Variants in CCDC6 observed in about 807,000 individuals in gnomAD.
CCDC6 encodes the protein coiled-coil domain containing 6.
A neutral mutation model predicts 56.6 loss-of-function variants in CCDC6; 20 were observed. That is an observed-to-expected ratio of 0.35 (90% CI 0.25 to 0.51). The LOEUF is 0.51. Among genes scored for constraint, CCDC6 ranks in the 20% least tolerant of loss-of-function variants. CCDC6 has a pLI of 0.95. For synonymous variants in CCDC6, 241 were observed against 234.4 expected (o/e 1.03, Z -0.26); for missense variants, 367 against 601.1 (o/e 0.61, Z 4.07).
rs28723397 is a variant in CCDC6, at chr10:59,882,025, G to C, written c.303+24097C>G. ...AGCTGGGGAGAAGGAAAGGAAAGCC[G>C]CGGGGAGAAGGAAAGGAAAGCCAGG... On this transcript the variant is annotated intron_variant, in intron 1 of 8. Transcript: ENST00000263102. 1.4e-4 allele frequency among the ~76,000 whole-genome samples: 7 copies of C among 48,976 alleles called. 3 individuals are homozygous for C. Among genetic ancestry groups the C allele is most frequent in the South Asian group, 1.3e-3 (2 of 1,516 alleles). The allele number at this position is 48,976 out of a possible 152,430, so 32.1% of individuals were successfully genotyped here. A position where few individuals can be genotyped will look rare whatever the true frequency, so the allele number is the denominator to read the frequency against.
intron 1 of CCDC6, among the ~76,000 whole-genome samples, chr10:59,894,685 G>C (rs993820783): frequency 1.3e-5 from 2 of 152,070 alleles, no homozygotes; most frequent in African/African-American, 2.4e-5. Context: ...GGGGAGGGGT[G>C]GGGGGGAATC....
intron 1 of CCDC6, among the ~76,000 whole-genome samples, chr10:59,868,785 G>A (rs2071200253): frequency 6.6e-6 from 1 of 152,144 alleles, no homozygotes; most frequent in African/African-American, 2.4e-5. Context: ...CGGCTCCAAT[G>A]AGCTTCCCTG....
intron 1 of CCDC6, among the ~76,000 whole-genome samples, chr10:59,896,211 A>G (rs1394448456): frequency 6.6e-6 from 1 of 152,234 alleles, no homozygotes; most frequent in Non-Finnish European, 1.5e-5. Context: ...TTTATTCCAA[A>G]TGCTATCAAG....
chr10:59,865,371 TACAG>T (rs2071167953), intron 1 of CCDC6, among the ~76,000 whole-genome samples: 1 of 152,130 alleles, frequency 6.6e-6, no homozygotes, highest in Admixed American at 6.5e-5. Context: ...TAGGGCCAAT[TACAG>T]ACAGAGATGA....
intron 2 of CCDC6, among the ~76,000 whole-genome samples, chr10:59,847,817 CTTTTTTT>C (rs757902015): frequency 9.5e-6 from 1 of 104,860 alleles, no homozygotes; most frequent in African/African-American, 3.9e-5. Flanking sequence ...GCCTTTTAGA[CTTTTTTT>C]TTTTTTTTTT....
chr10:59,821,471 T>C (rs986600569), intron 3 of CCDC6, among the ~76,000 whole-genome samples: 3 of 152,216 alleles, frequency 2.0e-5, no homozygotes, highest in African/African-American at 7.2e-5. Flanking sequence ...TGGAAAACTG[T>C]CTTTTAAAAA....
intron 3 of CCDC6, among the ~76,000 whole-genome samples, chr10:59,815,482 A>G (rs1281125976): frequency 1.3e-5 from 2 of 152,208 alleles, no homozygotes; most frequent in South Asian, 2.1e-4. Flanking sequence ...TGAATCAAGG[A>G]GTCAGGAATT....
intron 1 of CCDC6, among the ~76,000 whole-genome samples, chr10:59,859,757 C>T (rs1235397203): frequency 4.6e-5 from 7 of 152,026 alleles, no homozygotes; most frequent in South Asian, 4.2e-4. Context: ...TAACTGAAGA[C>T]GATGGCTGGG....
At chr10:59,799,428 A>G (rs72817909) in intron 7 of CCDC6, among the ~76,000 whole-genome samples, 30,904 of 152,038 alleles carry the variant, frequency 0.2, 3,655 homozygotes, top group Middle Eastern at 0.27. Flanking sequence ...TCTATCTCGA[A>G]AAAAGAAATC....
intron 7 of CCDC6, 113 bp downstream of exon 7, chr10:59,804,305 CAT>C (rs1224681651): frequency 1.5e-6 from 1 of 667,342 alleles, no homozygotes; most frequent in East Asian, 2.6e-5. Context: ...TTGAAAAAGA[CAT>C]GATTATTATC....
intron 7 of CCDC6, among the ~76,000 whole-genome samples, chr10:59,800,964 G>C (rs941015363): frequency 6.6e-6 from 1 of 152,050 alleles, no homozygotes; most frequent in Non-Finnish European, 1.5e-5. Context: ...AATTAAAAGC[G>C]ACTCATGACT....
chr10:59,871,870 C>A (rs1265473172), intron 1 of CCDC6, among the ~76,000 whole-genome samples: 3 of 152,136 alleles, frequency 2.0e-5, no homozygotes, highest in East Asian at 3.9e-4. Context: ...AAAAAAATAG[C>A]ACTCTGATTA....
Position 59,887,056 on chromosome 10 carries a change from C to T in CCDC6, c.303+19066G>A, listed in dbSNP as rs556231341. ...GTAAATTGTAGAAGCAACATCTATTCGAATTACACATATATAGGGCAATCG... is the reference window on the plus strand; with the variant it reads ...GTAAATTGTAGAAGCAACATCTATTTGAATTACACATATATAGGGCAATCG... On this transcript the variant is annotated intron_variant, in intron 1 of 8. Transcript: ENST00000263102. Among the ~76,000 whole-genome samples the T allele has an allele frequency of 8.5e-5, 13 of 152,250 alleles. No individual in the cohort carries two copies. In the East Asian group the frequency reaches 1.9e-3, roughly 23 times the overall value.
chr10:59,892,463 C>A (rs1290399593), intron 1 of CCDC6, among the ~76,000 whole-genome samples: 1 of 152,148 alleles, frequency 6.6e-6, no homozygotes, highest in African/African-American at 2.4e-5. Context: ...TCGTTAGAAG[C>A]CAGGTTGCGA....
intron 8 of CCDC6, among the ~76,000 whole-genome samples, chr10:59,793,974 A>T (rs1457496785): frequency 1.3e-5 from 2 of 152,134 alleles, no homozygotes; most frequent in Non-Finnish European, 2.9e-5. Flanking sequence ...TAATGGCTCT[A>T]TTAGTCAACT....
intron 1 of CCDC6, among the ~76,000 whole-genome samples, chr10:59,855,479 T>C (rs188629388): frequency 2.6e-4 from 40 of 152,210 alleles, no homozygotes; most frequent in Admixed American, 9.2e-4. Flanking sequence ...AGCCAGAGAA[T>C]TGCTTGAACC....
At chr10:59,896,671 A>AG (rs932512293) in intron 1 of CCDC6, among the ~76,000 whole-genome samples, 1 of 152,020 alleles carries the variant, frequency 6.6e-6, no homozygotes, top group South Asian at 2.1e-4. Context: ...TTTACCAGGG[A>AG]GGAAAAAAAA....
chr10:59,879,236 A>T (rs929135430), intron 1 of CCDC6, among the ~76,000 whole-genome samples: 2 of 152,218 alleles, frequency 1.3e-5, no homozygotes, highest in African/African-American at 4.8e-5. Flanking sequence ...TCTAAAGGGT[A>T]ATGTTCTAAA....
intron 1 of CCDC6, among the ~76,000 whole-genome samples, chr10:59,890,095 C>A (rs138722963): frequency 4.6e-5 from 7 of 152,168 alleles, no homozygotes; most frequent in Non-Finnish European, 1.0e-4. Context: ...AGCTGAGGCT[C>A]GTCAAGAAAG....
Sources: allele counts gnomAD v4.1 joint callset (sites outside exome capture counted in the v4.1 genomes callset), GRCh38; gene constraint gnomAD v4.1.1; transcripts MANE v1.5; gene names NCBI Gene and HGNC (gene_info 2026-07-23, HGNC 2026-07-21).